Variants in FAM168A observed in about 807,000 individuals in gnomAD.
The protein encoded by FAM168A is protein FAM168A.
FAM168A carries 3 observed loss-of-function variants against 28.5 expected under a neutral mutation model. That is an observed-to-expected ratio of 0.11 (90% CI 0.05 to 0.27). FAM168A has a LOEUF of 0.27. FAM168A is among the 10% of genes least tolerant of loss of function. FAM168A has a pLI of 1.00. For missense variants in FAM168A, 222 were observed against 311.5 expected, an observed-to-expected ratio of 0.71 and a Z score of 2.16; for synonymous variants, 122 against 124.2, an observed-to-expected ratio of 0.98 and a Z score of 0.12.
chr11:73,533,032 T>C lies in FAM168A; in HGVS notation c.-18-64540A>G, dbSNP rs538165550. 3.3e-5 allele frequency among the ~76,000 whole-genome samples: 5 copies of C among 152,314 alleles called. No individual in the cohort carries two copies. In the East Asian group the frequency reaches 7.7e-4, roughly 24 times the overall value. ...ATTTGACCTTCTCTGTAGAAGTCCA[T>C]ATACAAAGGCTAGAACAGAGAAACG... On this transcript the variant is annotated intron_variant, in intron 1 of 7. Coordinates refer to ENST00000356467, the MANE Select transcript of FAM168A (RefSeq NM_015159.3).
At chr11:73,497,599 G>C (rs1401963061) in intron 1 of FAM168A, among the ~76,000 whole-genome samples, 1 of 152,188 alleles carries the variant, frequency 6.6e-6, no homozygotes, top group African/African-American at 2.4e-5. Context: ...CACAGGACTA[G>C]AGCAATAACT....
At chr11:73,581,692 A>G (rs556487494) in intron 1 of FAM168A, among the ~76,000 whole-genome samples, 10 of 152,290 alleles carry the variant, frequency 6.6e-5, no homozygotes, top group African/African-American at 2.2e-4. Flanking sequence ...CTTATTTTAT[A>G]ACATCTATAA....
At chr11:73,588,678 A>G (rs2134744921) in intron 1 of FAM168A, among the ~76,000 whole-genome samples, 1 of 152,300 alleles carries the variant, frequency 6.6e-6, no homozygotes, top group Admixed American at 6.5e-5. Flanking sequence ...CCAGTGTGAA[A>G]CCCGGTCTCA....
At chr11:73,544,867 A>ATTATATATAAAATATAAAATAT (rs1943712224) in intron 1 of FAM168A, among the ~76,000 whole-genome samples, 2 of 95,870 alleles carry the variant, frequency 2.1e-5, no homozygotes, top group African/African-American at 1.0e-4. Context: ...TATAATATAT[A>ATTATATATAAAATATAAAATAT]ATTATATATA....
intron 1 of FAM168A, among the ~76,000 whole-genome samples, chr11:73,553,069 A>C (rs1943847574): frequency 6.6e-6 from 1 of 152,208 alleles, no homozygotes. Flanking sequence ...TAAATTAATT[A>C]ATCCTATCAA....
At chr11:73,425,142 G>A (rs922843464) in intron 3 of FAM168A, 20 of 829,132 alleles carry the variant, frequency 2.4e-5, no homozygotes, top group Non-Finnish European at 3.6e-5. Flanking sequence ...TTTTGCAATA[G>A]CAGTTTCCCC....
chr11:73,539,621 T>G (rs530856506), intron 1 of FAM168A, among the ~76,000 whole-genome samples: 23 of 152,282 alleles, frequency 1.5e-4, no homozygotes, highest in African/African-American at 5.1e-4. Context: ...AGCTACACTC[T>G]CAGGACTAAG....
At chr11:73,444,922 T>C (rs1264843175) in intron 2 of FAM168A, among the ~76,000 whole-genome samples, 1 of 152,234 alleles carries the variant, frequency 6.6e-6, no homozygotes, top group Non-Finnish European at 1.5e-5. Flanking sequence ...AAAATGAGCA[T>C]ACACTGTTTT....
intron 1 of FAM168A, among the ~76,000 whole-genome samples, chr11:73,574,596 CTT>C (rs745930468): frequency 1.3e-5 from 2 of 151,984 alleles, no homozygotes; most frequent in Non-Finnish European, 2.9e-5. Context: ...GAGTTTCCCT[CTT>C]GTCGCCCAAG....
intron 1 of FAM168A, among the ~76,000 whole-genome samples, chr11:73,553,196 G>A (rs1370950318): frequency 6.6e-6 from 1 of 151,954 alleles, no homozygotes; most frequent in Non-Finnish European, 1.5e-5. Flanking sequence ...GAATCCCTTT[G>A]GTCTCTCAGA....
At chr11:73,576,057 G>C (rs963699168) in intron 1 of FAM168A, among the ~76,000 whole-genome samples, 1 of 152,132 alleles carries the variant, frequency 6.6e-6, no homozygotes, top group African/African-American at 2.4e-5. Context: ...ATATTCAGAT[G>C]AATTAAATTT....
At chr11:73,441,044 T>C (rs1431885206) in intron 2 of FAM168A, among the ~76,000 whole-genome samples, 1 of 150,656 alleles carries the variant, frequency 6.6e-6, no homozygotes, top group Non-Finnish European at 1.5e-5. Flanking sequence ...TTATATCATT[T>C]CATACCTATC....
At chr11:73,527,486 T>C (rs1192123813) in intron 1 of FAM168A, among the ~76,000 whole-genome samples, 1 of 152,198 alleles carries the variant, frequency 6.6e-6, no homozygotes, top group African/African-American at 2.4e-5. Context: ...CAGTAGACAT[T>C]TCCATTTAAA....
chr11:73,462,914 G>A (rs147820894), intron 2 of FAM168A, among the ~76,000 whole-genome samples: 3 of 150,134 alleles, frequency 2.0e-5, no homozygotes, highest in Admixed American at 6.7e-5. Flanking sequence ...AGAGAGGAGA[G>A]GAGAAGAGAA....
intron 1 of FAM168A, among the ~76,000 whole-genome samples, chr11:73,541,702 C>T (rs1943660358): frequency 6.6e-6 from 1 of 152,124 alleles, no homozygotes; most frequent in Admixed American, 6.5e-5. Context: ...ATCTGTAAAA[C>T]AGGTATAAAT....
intron 1 of FAM168A, among the ~76,000 whole-genome samples, chr11:73,498,183 G>C (rs1006862062): frequency 6.6e-6 from 1 of 152,158 alleles, no homozygotes; most frequent in Non-Finnish European, 1.5e-5. Flanking sequence ...AACATAATAA[G>C]TATGTGAATC....
chr11:73,596,294 G>A (rs1944438445), intron 1 of FAM168A, among the ~76,000 whole-genome samples: 1 of 152,108 alleles, frequency 6.6e-6, no homozygotes, highest in African/African-American at 2.4e-5. Context: ...CAGGAGGAGA[G>A]GGGAAAAGAA....
chr11:73,586,834 T>C (rs1050335451), intron 1 of FAM168A, among the ~76,000 whole-genome samples: 4 of 152,320 alleles, frequency 2.6e-5, no homozygotes, highest in Non-Finnish European at 4.4e-5. Flanking sequence ...AAAAGCCATT[T>C]CACACCTTTC....
intron 1 of FAM168A, among the ~76,000 whole-genome samples, chr11:73,590,816 G>C (rs1054890829): frequency 6.6e-6 from 1 of 152,068 alleles, no homozygotes; most frequent in Non-Finnish European, 1.5e-5. Context: ...TGATTCTAAA[G>C]AGTAGCCAGA....
Sources: gnomAD v4.1 joint callset for allele counts (sites outside exome capture counted in the v4.1 genomes callset) on GRCh38, gnomAD v4.1.1 for gene constraint, MANE v1.5 for transcripts, NCBI Gene and HGNC (gene_info 2026-07-23, HGNC 2026-07-21) for gene names.